The following WNT6 variants were observed in gnomAD, a reference collection of about 807,000 sequenced individuals.
The protein encoded by WNT6 is Wnt family member 6.
A neutral mutation model predicts 33.1 loss-of-function variants in WNT6; 27 were observed. The observed-to-expected ratio is 0.82, with a 90% CI of 0.60 to 1.12. WNT6 has a LOEUF of 1.12. WNT6 is among the 50% of genes most tolerant of loss of function. WNT6 has a pLI of 0.00. For missense variants in WNT6, 494 were observed against 535.3 expected, an observed-to-expected ratio of 0.92 and a Z score of 0.76; for synonymous variants, 249 against 242.8, an observed-to-expected ratio of 1.03 and a Z score of -0.24.
chr2:218,870,760 T>C (rs1259338866), intron 1 of WNT6, among the ~76,000 whole-genome samples: 1 of 152,278 alleles, frequency 6.6e-6, no homozygotes, highest in East Asian at 1.9e-4. Flanking sequence ...GTAAAATTTC[T>C]ATAAGAATTT....
intron 3 of WNT6, among the ~76,000 whole-genome samples, chr2:218,872,020 G>A (rs1289758209): frequency 6.6e-6 from 1 of 152,002 alleles, no homozygotes; most frequent in Admixed American, 6.6e-5. Context: ...CCAAGAAGGA[G>A]TCACGTGGGG....
At position 218,871,011 on chromosome 2, in the gene WNT6, A is replaced by G; in HGVS notation, c.81-16A>G. 3 of 1,588,242 alleles carry G rather than the reference A, an allele frequency of 1.9e-6. No homozygotes were observed. The highest frequency in any genetic ancestry group is 1.7e-6 in the Non-Finnish European group (2 of 1,163,066). ...TTTTGGGTTACACCCCTGACCTGCT[A>G]TTCTCTGCTTTCCAGGGCTGTGGGC... On this transcript the variant is annotated splice_polypyrimidine_tract_variant and intron_variant, in intron 1 of 3. Transcript: ENST00000233948. This position sits in a 1 kb window ranked among gnomAD's most constrained non-coding sequence, Gnocchi z 6.4.
At chr2:218,868,272 CTCT>C (rs1944370011) in intron 1 of WNT6, among the ~76,000 whole-genome samples, 1 of 152,166 alleles carries the variant, frequency 6.6e-6, no homozygotes, top group Non-Finnish European at 1.5e-5. Context: ...ATTCTCCCGT[CTCT>C]AGTCCCTGCG....
chr2:218,865,551 A>G (rs1033363619), intron 1 of WNT6, among the ~76,000 whole-genome samples: 2 of 152,172 alleles, frequency 1.3e-5, no homozygotes, highest in Non-Finnish European at 2.9e-5. Flanking sequence ...AGGCGGTGAG[A>G]AGATGACTTG....
intron 1 of WNT6, among the ~76,000 whole-genome samples, chr2:218,862,602 C>T (rs757094974): frequency 4.6e-5 from 7 of 152,192 alleles, no homozygotes; most frequent in Non-Finnish European, 7.3e-5. Flanking sequence ...AGGCTGGTCT[C>T]AAACTCCTGA....
chr2:218,861,180 T>G (rs1286194408), intron 1 of WNT6, among the ~76,000 whole-genome samples: 1 of 152,130 alleles, frequency 6.6e-6, no homozygotes, highest in Admixed American at 6.5e-5. Flanking sequence ...TCTGGAGAGA[T>G]AGGGAGTAGG....
At chr2:218,865,081 G>A (rs1389070654) in intron 1 of WNT6, among the ~76,000 whole-genome samples, 1 of 152,226 alleles carries the variant, frequency 6.6e-6, no homozygotes, top group Non-Finnish European at 1.5e-5. Flanking sequence ...CATTTCCTGG[G>A]GGGTGCAGCC....
Position 218,862,836 on chromosome 2 carries a change from C to A in WNT6, c.80+2719C>A, listed in dbSNP as rs982909795. Among the ~76,000 whole-genome samples the A allele has an allele frequency of 3.9e-5, 6 of 152,136 alleles. No individual in the cohort carries two copies. In the Middle Eastern group the frequency reaches 0.01, roughly 259 times the overall value. On this transcript the variant is annotated intron_variant, in intron 1 of 3. Transcript: ENST00000233948. ...TCTCCTGCCTCAGCCTCCTGAGTAA[C>A]TGGGATTAGAGTTGCCCACCACCAT... is the stretch of plus-strand genomic sequence containing the variant.
At chr2:218,860,907 G>T (rs925562844) in intron 1 of WNT6, among the ~76,000 whole-genome samples, 7 of 149,668 alleles carry the variant, frequency 4.7e-5, no homozygotes, top group African/African-American at 1.7e-4. Flanking sequence ...GGGCCGGGGC[G>T]GGGAAGGAGG....
intron 1 of WNT6, among the ~76,000 whole-genome samples, chr2:218,863,466 G>A (rs937526964): frequency 1.3e-5 from 2 of 152,150 alleles, no homozygotes; most frequent in Admixed American, 6.5e-5. Context: ...GAATTGGCTC[G>A]GAGACCTGGC....
At chr2:218,860,223 G>A in intron 1 of WNT6, 106 bp downstream of exon 1, 6 of 1,121,218 alleles carry the variant, frequency 5.4e-6, no homozygotes, top group African/African-American at 1.6e-5. Flanking sequence ...CCTGCTCTCC[G>A]AGCCCAGCTT....
At chr2:218,866,592 G>T (rs1006897513) in intron 1 of WNT6, among the ~76,000 whole-genome samples, 2 of 152,152 alleles carry the variant, frequency 1.3e-5, no homozygotes, top group Non-Finnish European at 2.9e-5. Flanking sequence ...TCTCTGGACA[G>T]GTTCTCTGCA....
chr2:218,869,216 G>GTGCGTGCGCA (rs113516383), intron 1 of WNT6, among the ~76,000 whole-genome samples: 51,414 of 150,684 alleles, frequency 0.34, 13,267 homozygotes, highest in African/African-American at 0.72. Context: ...TTTTGTGTGT[G>GTGCGTGCGCA]TGCGTGCGCA....
At position 218,871,801 on chromosome 2, in the gene WNT6, C is replaced by CA; in HGVS notation, c.620dup (p.Asn207LysfsTer106). ...TCCGCGCGTTGGTGCAACTGCACAA[C>CA]AACGAGGCGGGCAGGCTGGTGCGTA... On this transcript the variant is annotated frameshift_variant, in exon 3 of 4. Coordinates refer to ENST00000233948, the MANE Select transcript of WNT6 (RefSeq NM_006522.4). LOFTEE classifies it high-confidence loss of function. The surrounding 1 kb of genome is among the most constrained non-coding windows in gnomAD (Gnocchi z 6.4). The CA allele has an allele frequency of 6.3e-7, 1 of 1,593,370 alleles. No homozygotes were observed. Among genetic ancestry groups the CA allele is most frequent in the South Asian group, 1.1e-5 (1 of 89,430 alleles).
At position 218,874,082 on chromosome 2, in the gene WNT6, A is replaced by ACAGG. The variant is rs2106007162; in HGVS notation, c.*239_*242dup. ...TCGGGGAGCGTTTAAAGGACACTGT[A>ACAGG]CAGGCCCTCCCTCCCCTTGGCCTCT... On this transcript the variant is annotated 3_prime_UTR_variant, in exon 4 of 4. Coordinates refer to ENST00000233948, the MANE Select transcript of WNT6 (RefSeq NM_006522.4). 1 of 488,154 alleles carries ACAGG rather than the reference A, an allele frequency of 2.0e-6. No individual in the cohort carries two copies. The highest frequency in any genetic ancestry group is 4.2e-5 in the South Asian group (1 of 23,960). 30.2% of individuals were successfully genotyped at this position (488,154 alleles called of 1,614,324 possible).
At chr2:218,870,594 A>G (rs1944391777) in intron 1 of WNT6, among the ~76,000 whole-genome samples, 1 of 152,196 alleles carries the variant, frequency 6.6e-6, no homozygotes, top group Non-Finnish European at 1.5e-5. Flanking sequence ...ATTCCTTGAT[A>G]CTGCTTACTT....
rs1944404568 is a variant in WNT6 at position 218,871,774 on chromosome 2, C to T, written c.591C>T (p.Asp197=). 1.2e-6 allele frequency: 2 copies of T among 1,601,190 alleles called. No individual in the cohort carries two copies. Among genetic ancestry groups the T allele is most frequent in the African/African-American group, 1.4e-5 (1 of 73,638 alleles). ...MDARHKRGRG[D]IRALVQLHNN... The stretch of plus-strand genomic sequence containing the variant: ...CGCGGCACAAGCGGGGACGCGGAGA[C>T]ATCCGCGCGTTGGTGCAACTGCACA... The change falls in exon 3 of 4, where the codon GAC becomes GAT. Residue 197 remains aspartate, a synonymous_variant. Coordinates refer to ENST00000233948, the MANE Select transcript of WNT6 (RefSeq NM_006522.4). This position sits in a 1 kb window ranked among gnomAD's most constrained non-coding sequence, Gnocchi z 6.4.
At chr2:218,863,378 C>A (rs988252477) in intron 1 of WNT6, among the ~76,000 whole-genome samples, 3 of 152,194 alleles carry the variant, frequency 2.0e-5, no homozygotes, top group Non-Finnish European at 4.4e-5. Context: ...CTAGCAGCAG[C>A]CAGGCTAGAA....
At position 218,859,868 on chromosome 2, in the gene WNT6, G is replaced by C. The variant is rs937566229; in HGVS notation, c.-170G>C. On this transcript the variant is annotated 5_prime_UTR_variant, in exon 1 of 4. Transcript: ENST00000233948. Reference sequence around the variant, plus strand: ...GCTGCCCCGTCCGCTCTCCGCCTCCGCCGCGCCCTCCTCGCCCGGGATGGG... The same window carrying C: ...GCTGCCCCGTCCGCTCTCCGCCTCCCCCGCGCCCTCCTCGCCCGGGATGGG... 1.9e-5 allele frequency: 5 copies of C among 260,438 alleles called. No homozygotes were observed. Among genetic ancestry groups the C allele is most frequent in the Non-Finnish European group, 3.2e-5 (5 of 158,250 alleles). 16.1% of individuals were successfully genotyped at this position (260,438 alleles called of 1,614,324 possible).
Sources: allele counts gnomAD v4.1 joint callset (sites outside exome capture counted in the v4.1 genomes callset), GRCh38; gene constraint gnomAD v4.1.1; non-coding constraint Gnocchi (gnomAD v3.1); transcripts MANE v1.5; gene names NCBI Gene and HGNC (gene_info 2026-07-23, HGNC 2026-07-21).